The following BCAS1 variants were observed in gnomAD, a reference collection of about 807,000 sequenced individuals.
BCAS1 encodes breast carcinoma-amplified sequence 1.
In BCAS1, 46 loss-of-function variants were observed where a neutral mutation model predicts 65.4. That is an observed-to-expected ratio of 0.70 (90% confidence interval 0.55 to 0.90). The LOEUF (loss-of-function observed/expected upper bound fraction) is 0.90, where lower values mean the gene tolerates loss of function less well. BCAS1 is among the 40% of genes least tolerant of loss of function. BCAS1 has a pLI of 0.00. For synonymous variants in BCAS1, 298 were observed against 293.5 expected (o/e 1.02, Z -0.16); for missense variants, 793 against 771.2 (o/e 1.03, Z -0.33).
rs115938710 is a variant in BCAS1 at position 54,043,115 on chromosome 20, G to A, written c.143-14143C>T. On this transcript the variant is annotated intron_variant, in intron 3 of 12. Coordinates refer to ENST00000688948, the MANE Select transcript of BCAS1 (RefSeq NM_001366298.2). The stretch of plus-strand genomic sequence containing the variant: ...AGCCAACTTACTGGCTTAAGACTAC[G>A]TGACAGAAAGCTGCAAAGGGGGCCA... Among the ~76,000 whole-genome samples the A allele has an allele frequency of 5.6e-3, 847 of 152,294 alleles. 6 individuals carry two copies. The highest frequency in any genetic ancestry group is 0.02 in the African/African-American group (813 of 41,566).
Position 53,996,891 on chromosome 20 carries a change from C to T in BCAS1, c.724-841G>A, listed in dbSNP as rs139097159. Among the ~76,000 whole-genome samples the T allele has an allele frequency of 4.7e-4, 72 of 152,338 alleles. No individual in the cohort carries two copies. In the East Asian group the frequency reaches 0.012, roughly 24 times the overall value. On this transcript the variant is annotated intron_variant, in intron 4 of 12. Transcript: ENST00000688948. ...CTAAATCTCCATCCTCTCTGTACCA[C>T]GTGCTCCTTCATTCCATTTTCTGGC...
At chr20:54,011,784 C>G (rs2091326431) in intron 4 of BCAS1, among the ~76,000 whole-genome samples, 1 of 152,166 alleles carries the variant, frequency 6.6e-6, no homozygotes, top group Non-Finnish European at 1.5e-5. Context: ...ACGGGAAGAT[C>G]ACTTGACCCT....
intron 3 of BCAS1, among the ~76,000 whole-genome samples, chr20:54,029,594 TTTCTGTGCC>T (rs2091757335): frequency 6.6e-6 from 1 of 152,220 alleles, no homozygotes; most frequent in Non-Finnish European, 1.5e-5. Flanking sequence ...ATTATCTAAT[TTTCTGTGCC>T]TCAACTTTCT....
chr20:53,984,891 G>A (rs2090571953), intron 8 of BCAS1, among the ~76,000 whole-genome samples: 1 of 152,168 alleles, frequency 6.6e-6, no homozygotes, highest in Non-Finnish European at 1.5e-5. Context: ...TGGCTGGGGA[G>A]GAGTGAAGAC....
chr20:54,062,405 G>A (rs2092386734), intron 1 of BCAS1, among the ~76,000 whole-genome samples: 1 of 152,114 alleles, frequency 6.6e-6, no homozygotes, highest in Admixed American at 6.5e-5. Context: ...TGGAAACTGA[G>A]GCACGCAGGT....
At chr20:53,963,614 T>C (rs866528323) in intron 10 of BCAS1, among the ~76,000 whole-genome samples, 1 of 152,232 alleles carries the variant, frequency 6.6e-6, no homozygotes. Flanking sequence ...CAAATCGATA[T>C]TTTGCTAACA....
chr20:54,023,237 T>C (rs987756209), intron 4 of BCAS1, among the ~76,000 whole-genome samples: 2 of 152,242 alleles, frequency 1.3e-5, no homozygotes, highest in African/African-American at 4.8e-5. Flanking sequence ...TGTAACTTCA[T>C]TGAACAAGTT....
intron 9 of BCAS1, among the ~76,000 whole-genome samples, chr20:53,971,552 G>A (rs1467211794): frequency 6.6e-6 from 1 of 152,240 alleles, no homozygotes. Flanking sequence ...AGGACATGCA[G>A]GGTTGCTACT....
chr20:53,996,608 G>A (rs2090922190), intron 4 of BCAS1, among the ~76,000 whole-genome samples: 1 of 152,108 alleles, frequency 6.6e-6, no homozygotes, highest in Non-Finnish European at 1.5e-5. Context: ...AGGAGGGTAG[G>A]ATGCGTTCTG....
chr20:54,028,621 G>C lies in BCAS1; in HGVS notation c.494C>G (p.Ser165Cys). The change falls in exon 4 of 13, where the codon TCT becomes TGT. Residue 165 changes from serine to cysteine, a missense_variant. Coordinates refer to ENST00000688948, the MANE Select transcript of BCAS1 (RefSeq NM_001366298.2). ...GAGAAGCGTGGGATCCCTGGCGGCAGAGAGGACCTTGTCTTGGGCCGGGGC... is the reference window on the plus strand; with the variant it reads ...GAGAAGCGTGGGATCCCTGGCGGCACAGAGGACCTTGTCTTGGGCCGGGGC... The part of the protein sequence containing the change: ...GHAPAQDKVL[S>C]AARDPTLLPP... 1 of 1,614,178 alleles carries C rather than the reference G, an allele frequency of 6.2e-7. No individual in the cohort carries two copies. The highest frequency in any genetic ancestry group is 8.5e-7 in the Non-Finnish European group (1 of 1,180,008).
intron 4 of BCAS1, among the ~76,000 whole-genome samples, chr20:54,018,804 A>G (rs2091496748): frequency 6.6e-6 from 1 of 152,196 alleles, no homozygotes; most frequent in Admixed American, 6.5e-5. Flanking sequence ...TGTACCCAAG[A>G]AAAATACCAA....
chr20:53,954,638 G>A (rs2089646636), intron 11 of BCAS1, among the ~76,000 whole-genome samples: 1 of 152,178 alleles, frequency 6.6e-6, no homozygotes, highest in South Asian at 2.1e-4. Flanking sequence ...GATGAGATGA[G>A]GCTGTAAAAT....
intron 8 of BCAS1, among the ~76,000 whole-genome samples, chr20:53,981,208 T>A (rs1010088385): frequency 6.6e-6 from 1 of 152,230 alleles, no homozygotes; most frequent in Non-Finnish European, 1.5e-5. Context: ...TCTGAGTCCA[T>A]TAACTTCACA....
At chr20:54,052,706 G>A (rs534162292) in intron 3 of BCAS1, among the ~76,000 whole-genome samples, 2 of 152,232 alleles carry the variant, frequency 1.3e-5, no homozygotes, top group East Asian at 3.9e-4. Context: ...ACAGCAAGGC[G>A]CCATCTTGGA....
intron 3 of BCAS1, among the ~76,000 whole-genome samples, chr20:54,038,571 G>A (rs1684706982): frequency 6.6e-6 from 1 of 151,308 alleles, no homozygotes; most frequent in South Asian, 2.1e-4. Flanking sequence ...TGAACAGGTT[G>A]GGAAACTGAG....
Position 53,953,617 on chromosome 20 carries a change from A to G in BCAS1, c.1630T>C (p.Ser544Pro). 1 of 1,613,496 alleles carries G rather than the reference A, an allele frequency of 6.2e-7. No individual in the cohort carries two copies. Among genetic ancestry groups the G allele is most frequent in the Non-Finnish European group, 8.5e-7 (1 of 1,179,942 alleles). ...TGAPQKGKEG[S>P]SKDKKSAAEM... ...GCTGCTGACTTCTTGTCCTTCGAGG[A>G]GCCCTCTTTACCCTTCTGTGGTGCT... Residue 544 changes from serine (S) to proline (P), a missense_variant, in exon 12 of 13, where the codon TCC becomes CCC. Transcript: ENST00000688948.
intron 1 of BCAS1, among the ~76,000 whole-genome samples, chr20:54,062,326 A>G (rs1013149914): frequency 6.6e-6 from 1 of 152,244 alleles, no homozygotes; most frequent in Non-Finnish European, 1.5e-5. Context: ...CTTTATTTGC[A>G]GTAAAACTAA....
chr20:54,047,098 G>C (rs1228962014), intron 3 of BCAS1, among the ~76,000 whole-genome samples: 1 of 152,208 alleles, frequency 6.6e-6, no homozygotes, highest in African/African-American at 2.4e-5. Context: ...TGGGATGGCT[G>C]GAATATTTGG....
chr20:54,047,660 A>G (rs1404115381), intron 3 of BCAS1, among the ~76,000 whole-genome samples: 1 of 152,294 alleles, frequency 6.6e-6, no homozygotes, highest in South Asian at 2.1e-4. Flanking sequence ...AGAAGAAAGG[A>G]GAGTGCCTGT....
Sources: gnomAD v4.1 joint callset for allele counts (sites outside exome capture counted in the v4.1 genomes callset) on GRCh38, gnomAD v4.1.1 for gene constraint, MANE v1.5 for transcripts, NCBI Gene and HGNC (gene_info 2026-07-23, HGNC 2026-07-21) for gene names.